The following DNAAF5 variants were observed in gnomAD, a reference collection of about 807,000 sequenced individuals.
The protein encoded by DNAAF5 is HEAT repeat containing 2.
DNAAF5 carries 64 observed loss-of-function variants against 75.8 expected under a neutral mutation model. That is an observed-to-expected ratio of 0.84 (90% confidence interval 0.69 to 1.04). The LOEUF (loss-of-function observed/expected upper bound fraction) is 1.04, where lower values mean the gene tolerates loss of function less well. Among genes scored for constraint, DNAAF5 ranks in the 50% least tolerant of loss-of-function variants. The pLI, the probability that DNAAF5 is intolerant of heterozygous loss-of-function variation, is 0.00. For synonymous variants in DNAAF5, 657 were observed against 557.2 expected (o/e 1.18, Z -2.52); for missense variants, 1,269 against 1,178.5 (o/e 1.08, Z -1.12).
At chr7:735,676 G>A (rs946052023) in intron 2 of DNAAF5, among the ~76,000 whole-genome samples, 1 of 152,112 alleles carries the variant, frequency 6.6e-6, no homozygotes. Context: ...ATTTACTTGG[G>A]TCTTCTCTTT....
chr7:739,035 C>T (rs1781820554), intron 2 of DNAAF5, among the ~76,000 whole-genome samples: 1 of 152,004 alleles, frequency 6.6e-6, no homozygotes, highest in Admixed American at 6.6e-5. Context: ...GGAGAGGGCC[C>T]CATCACTGTA....
intron 2 of DNAAF5, among the ~76,000 whole-genome samples, chr7:740,514 G>A (rs536986342): frequency 1.1e-3 from 166 of 152,308 alleles, no homozygotes; most frequent in African/African-American, 3.8e-3. Context: ...GCCTGCTCTC[G>A]CCAACAGGAC....
Position 727,246 on chromosome 7 carries a change from C to T in DNAAF5, c.526C>T (p.Leu176Phe), listed in dbSNP as rs1376001457. 79 of 1,348,654 alleles carry T rather than the reference C, an allele frequency of 5.9e-5. No individual in the cohort carries two copies. Among genetic ancestry groups the T allele is most frequent in the Non-Finnish European group, 7.5e-5 (79 of 1,053,252 alleles). The allele number at this position is 1,348,654 out of a possible 1,614,324, so 83.5% of individuals were successfully genotyped here. ...DALRALRCSL[L>F]DPFAAVRRES... ...TCTGCGCGCGCTGCGCTGCTCCCTG[C>T]TCGACCCCTTCGCCGCCGTGCGCCG... Residue 176 changes from leucine (L) to phenylalanine (F), a missense_variant, in exon 1 of 13, where the codon CTC becomes TTC. By Grantham distance (22) the Leu-to-Phe change is conservative. Coordinates refer to ENST00000297440, the MANE Select transcript of DNAAF5 (RefSeq NM_017802.4).
chr7:769,199 GCTCAAGGTGA>G, intron 8 of DNAAF5: 1 of 773,166 alleles, frequency 1.3e-6, no homozygotes, highest in Non-Finnish European at 2.4e-6. Flanking sequence ...CCCAGCAACG[GCTCAAGGTGA>G]CTCACAGTTG....
chr7:746,163 C>T (rs1365385325), intron 4 of DNAAF5, among the ~76,000 whole-genome samples: 1 of 152,150 alleles, frequency 6.6e-6, no homozygotes, highest in African/African-American at 2.4e-5. Context: ...TGAGTCTCTT[C>T]CTCAGAAGTT....
chr7:748,534 GT>G (rs1331785204), intron 4 of DNAAF5, among the ~76,000 whole-genome samples: 2 of 152,190 alleles, frequency 1.3e-5, no homozygotes, highest in Admixed American at 1.3e-4. Context: ...TCATCAGACT[GT>G]TTTAGGCTCC....
rs1198904007 is a variant in DNAAF5 at position 770,476 on chromosome 7, G to C, written c.1789G>C (p.Ala597Pro). ...GCCTCTGTTGTGTCTTACAGGCCCT[G>C]CCCTGGGAGAAGCCCTGCCACACGT... ...FSVIVAQSGPALGEALPHVVP... is the reference protein window; with the variant it reads ...FSVIVAQSGPPLGEALPHVVP... The change falls in exon 9 of 13, where the codon GCC (alanine) becomes CCC (proline). Residue 597 changes from alanine (A) to proline (P), a missense_variant. Transcript: ENST00000297440. 6.2e-7 allele frequency: 1 copy of C among 1,613,134 alleles called. No homozygotes were observed. The highest frequency in any genetic ancestry group is 1.7e-5 in the Admixed American group (1 of 59,976).
intron 2 of DNAAF5, among the ~76,000 whole-genome samples, chr7:734,723 G>A (rs1387668490): frequency 6.6e-6 from 1 of 152,156 alleles, no homozygotes; most frequent in Non-Finnish European, 1.5e-5. Flanking sequence ...TTGCTCAGTG[G>A]CTTTTCATTG....
intron 12 of DNAAF5, among the ~76,000 whole-genome samples, chr7:784,214 G>T (rs372314156): frequency 3.0e-4 from 46 of 152,310 alleles, no homozygotes; most frequent in African/African-American, 1.0e-3. Context: ...CCCGTGCTCA[G>T]TCTCTTGGTC....
chr7:736,345 C>G (rs1224080844), intron 2 of DNAAF5, among the ~76,000 whole-genome samples: 1 of 152,220 alleles, frequency 6.6e-6, no homozygotes, highest in Non-Finnish European at 1.5e-5. Flanking sequence ...GTCTGTCTCT[C>G]TCTTTAGCTC....
At chr7:764,080 T>G in intron 8 of DNAAF5, 106 bp downstream of exon 8, 1 of 1,247,470 alleles carries the variant, frequency 8.0e-7, no homozygotes. Flanking sequence ...TGAGCTGTGG[T>G]TCACTGAAGC....
intron 10 of DNAAF5, 152 bp downstream of exon 10, chr7:774,350 G>A: frequency 2.3e-6 from 2 of 865,230 alleles, no homozygotes; most frequent in Non-Finnish European, 3.4e-6. Context: ...CCACACTGGC[G>A]GCGGAAGGGC....
chr7:752,815 T>G (rs1782350480), intron 4 of DNAAF5, among the ~76,000 whole-genome samples: 1 of 152,170 alleles, frequency 6.6e-6, no homozygotes, highest in African/African-American at 2.4e-5. Context: ...TTGGAGATGA[T>G]GTATGTAAGG....
Position 786,251 on chromosome 7 carries a change from T to G in DNAAF5, c.*598T>G, listed in dbSNP as rs1243709583. The G allele has an allele frequency of 6.6e-6, 1 of 152,330 alleles. No individual in the cohort carries two copies. Among genetic ancestry groups the G allele is most frequent in the Non-Finnish European group, 1.5e-5 (1 of 68,158 alleles). 9.4% of individuals were successfully genotyped at this position (152,330 alleles called of 1,614,324 possible). On this transcript the variant is annotated 3_prime_UTR_variant, in exon 13 of 13. Transcript: ENST00000297440. ...AATGCTAACAGTGTTGAAAACAATA[T>G]TTCATGAGATCTAATTGTGGTTGCC...
intron 8 of DNAAF5, chr7:769,243 C>T (rs778892016): frequency 1.0e-4 from 78 of 748,502 alleles, no homozygotes; most frequent in African/African-American, 6.8e-4. Context: ...GTGGACGCTC[C>T]CTCTACACTG....
At chr7:777,748 CTA>C (rs1370688556) in intron 11 of DNAAF5, among the ~76,000 whole-genome samples, 5 of 152,222 alleles carry the variant, frequency 3.3e-5, no homozygotes, top group African/African-American at 4.8e-5. Flanking sequence ...TGGGTCAACT[CTA>C]GACTGAATGT....
At chr7:765,618 C>A (rs943731273) in intron 8 of DNAAF5, among the ~76,000 whole-genome samples, 3 of 152,190 alleles carry the variant, frequency 2.0e-5, no homozygotes, top group African/African-American at 7.2e-5. Context: ...TCTTTGGGCC[C>A]ACATCTCCTG....
Position 741,425 on chromosome 7 carries a change from G to A in DNAAF5, c.984G>A (p.Leu328=). Residue 328 remains leucine, a synonymous_variant, in exon 4 of 13, where the codon CTG becomes CTA. Coordinates refer to ENST00000297440, the MANE Select transcript of DNAAF5 (RefSeq NM_017802.4). ...KENEEDLKDK[L]DFAPPTPPHY... ...ATGAGGAGGACCTGAAGGACAAGCT[G>A]GACTTTGCCCCTCCCACCCCACCCC... 6.4e-7 allele frequency: 1 copy of A among 1,571,800 alleles called. No homozygotes were observed. Among genetic ancestry groups the A allele is most frequent in the South Asian group, 1.2e-5 (1 of 85,406 alleles).
chr7:726,721 ATGGCGGCGCTGGGGGTGGCGGAGGCCG>A lies in DNAAF5; in HGVS notation c.9_35del (p.LeuGlyValAlaGluAlaValAlaAla4_?12). The A allele has an allele frequency of 8.1e-7, 1 of 1,239,406 alleles. No individual in the cohort carries two copies. Among genetic ancestry groups the A allele is most frequent in the Non-Finnish European group, 1.0e-6 (1 of 992,570 alleles). 76.8% of individuals were successfully genotyped at this position (1,239,406 alleles called of 1,614,324 possible). A position where few individuals can be genotyped will look rare whatever the true frequency, so the allele number is the denominator to read the frequency against. ...CTTAGTGACCGGCGACGCGGGCAAGATGGCGGCGCTGGGGGTGGCGGAGGCCGTGGCGGCCCCACACCCGGCTGAGGG... is the reference window on the plus strand; with the variant it reads ...CTTAGTGACCGGCGACGCGGGCAAGATGGCGGCCCCACACCCGGCTGAGGG... On this transcript the variant is annotated start_lost and inframe_deletion, in exon 1 of 13. Transcript: ENST00000297440.
Sources: gnomAD v4.1 joint callset for allele counts (sites outside exome capture counted in the v4.1 genomes callset) on GRCh38, gnomAD v4.1.1 for gene constraint, MANE v1.5 for transcripts, NCBI Gene and HGNC (gene_info 2026-07-23, HGNC 2026-07-21) for gene names.